Variants in AK8 observed in about 807,000 individuals in gnomAD.
AK8 encodes the protein ATP-AMP transphosphorylase 8.
Under a neutral mutation model 54.6 loss-of-function variants are expected in AK8, and 44 were observed. The ratio of observed to expected loss-of-function variants is 0.81; its 90% CI spans 0.63 to 1.04. AK8 has a LOEUF of 1.04. Among genes scored for constraint, AK8 ranks in the 50% least tolerant of loss-of-function variants. AK8 has a pLI of 0.00. For missense variants in AK8, 555 were observed against 613.6 expected (o/e 0.90, Z 1.01); for synonymous variants, 239 against 245.6 (o/e 0.97, Z 0.25).
At chr9:132,738,535 A>G (rs1341809395) in intron 11 of AK8, among the ~76,000 whole-genome samples, 1 of 152,156 alleles carries the variant, frequency 6.6e-6, no homozygotes, top group Non-Finnish European at 1.5e-5. Context: ...CATTCATAAG[A>G]ATGCAAATAA....
Position 132,827,016 on chromosome 9 carries a change from CA to C in AK8, c.594del (p.Glu199LysfsTer56). 1 of 1,614,234 alleles carries C rather than the reference CA, an allele frequency of 6.2e-7. No individual in the cohort carries two copies. Among genetic ancestry groups the C allele is most frequent in the African/African-American group, 1.3e-5 (1 of 75,056 alleles). On this transcript the variant is annotated frameshift_variant, in exon 8 of 13. Transcript: ENST00000298545. LOFTEE classifies it high-confidence loss of function. ...GGCACCATGAGACGGTTCTGGATTTCAGATTCGGGTGGCCAGTCAAAGGTGG... is the reference window on the plus strand; with the variant it reads ...GGCACCATGAGACGGTTCTGGATTTCGATTCGGGTGGCCAGTCAAAGGTGG... Reference protein sequence around the residue: ...YHTTFDWPPESEIQNRLMVPE... With the variant: ...YHTTFDWPPEXEIQNRLMVPE...
intron 11 of AK8, among the ~76,000 whole-genome samples, chr9:132,746,975 C>T (rs950290891): frequency 1.3e-5 from 2 of 152,158 alleles, no homozygotes; most frequent in Admixed American, 1.3e-4. Context: ...AATACAACTG[C>T]CTTAAATATT....
At chr9:132,801,762 G>A (rs215177) in intron 10 of AK8, among the ~76,000 whole-genome samples, 42,945 of 152,170 alleles carry the variant, frequency 0.28, 6,219 homozygotes, top group East Asian at 0.49. Flanking sequence ...TTCTAAGCAT[G>A]TCTTTGTTCT....
chr9:132,739,546 T>G (rs551260087), intron 11 of AK8, among the ~76,000 whole-genome samples: 1 of 150,870 alleles, frequency 6.6e-6, no homozygotes, highest in African/African-American at 2.4e-5. Flanking sequence ...ACAACATATA[T>G]GATTTTTGTA....
chr9:132,755,272 G>A lies in AK8; in HGVS notation c.1122-27738C>T, dbSNP rs1273684692. On this transcript the variant is annotated intron_variant, in intron 11 of 12. Coordinates refer to ENST00000298545, the MANE Select transcript of AK8 (RefSeq NM_152572.3). ...ACTGTGTCCTGGCACCCCCTCAGCC[G>A]CTTTCTTGCCTATGGTATCTCCCAG... Among the ~76,000 whole-genome samples, 8 of 152,246 alleles carry A rather than the reference G, an allele frequency of 5.3e-5. No homozygotes were observed. In the South Asian group the frequency reaches 1.5e-3, roughly 28 times the overall value.
intron 2 of AK8, among the ~76,000 whole-genome samples, chr9:132,871,293 C>G (rs947805193): frequency 1.3e-5 from 2 of 152,050 alleles, no homozygotes; most frequent in African/African-American, 2.4e-5. Context: ...GAAAAGTCAC[C>G]AAGCAGGGTA....
chr9:132,814,560 A>G, intron 10 of AK8, 78 bp downstream of exon 10: 1 of 1,394,588 alleles, frequency 7.2e-7, no homozygotes, highest in Non-Finnish European at 9.9e-7. Flanking sequence ...GAGCCCCTGA[A>G]TGTTCAGAGA....
In AK8 at chr9:132,809,606, T is replaced by C. The variant is rs978167407; in HGVS notation, c.979+5032A>G. 3.3e-5 allele frequency among the ~76,000 whole-genome samples: 5 copies of C among 152,284 alleles called. 1 individual carries two copies. Among genetic ancestry groups the C allele is most frequent in the East Asian group, 1.9e-4 (1 of 5,174 alleles). On this transcript the variant is annotated intron_variant, in intron 10 of 12. Coordinates refer to ENST00000298545, the MANE Select transcript of AK8 (RefSeq NM_152572.3). Reference sequence around the variant, plus strand: ...ATGGCCATACAATGGGTGGTTTGTCTCCAGGCCTGGCCTCCAAAGGGCACG... The same window carrying C: ...ATGGCCATACAATGGGTGGTTTGTCCCCAGGCCTGGCCTCCAAAGGGCACG...
intron 9 of AK8, 29 bp downstream of exon 9, chr9:132,823,176 C>T: frequency 6.6e-7 from 1 of 1,514,658 alleles, no homozygotes; most frequent in Non-Finnish European, 8.8e-7. Context: ...GCTCTCGAAG[C>T]TGGGCAGCCC....
At chr9:132,772,168 A>G (rs934108327) in intron 11 of AK8, among the ~76,000 whole-genome samples, 3 of 152,180 alleles carry the variant, frequency 2.0e-5, no homozygotes, top group Non-Finnish European at 4.4e-5. Flanking sequence ...TGCTCCTGCC[A>G]CCACCATCAA....
intron 2 of AK8, among the ~76,000 whole-genome samples, 191 bp from the exon 3 acceptor site, chr9:132,867,144 G>T (rs1293381206): frequency 1.3e-5 from 2 of 152,108 alleles, no homozygotes; most frequent in Non-Finnish European, 2.9e-5. Context: ...AGAGGTAAGT[G>T]ATCACCGAGA....
chr9:132,808,869 G>A (rs1242975332), intron 10 of AK8, among the ~76,000 whole-genome samples: 1 of 152,140 alleles, frequency 6.6e-6, no homozygotes, highest in African/African-American at 2.4e-5. Flanking sequence ...CCCCAGGGAA[G>A]GAGGTCCAGT....
At chr9:132,778,448 G>A (rs1750470296) in intron 11 of AK8, among the ~76,000 whole-genome samples, 1 of 152,180 alleles carries the variant, frequency 6.6e-6, no homozygotes, top group African/African-American at 2.4e-5. Flanking sequence ...ATCAGCTGCA[G>A]AAATAGTGCT....
intron 11 of AK8, among the ~76,000 whole-genome samples, chr9:132,765,652 C>T (rs1009462170): frequency 4.6e-5 from 7 of 152,084 alleles, no homozygotes; most frequent in Non-Finnish European, 1.0e-4. Context: ...ACAACAAAAC[C>T]CTCAACGAAC....
intron 5 of AK8, among the ~76,000 whole-genome samples, chr9:132,838,294 G>T (rs1418887628): frequency 6.6e-6 from 1 of 152,120 alleles, no homozygotes; most frequent in African/African-American, 2.4e-5. Flanking sequence ...CTAAACTTTT[G>T]GCTCCACAGT....
chr9:132,827,190 A>G, intron 7 of AK8, 136 bp from the exon 8 acceptor site: 1 of 780,224 alleles, frequency 1.3e-6, no homozygotes, highest in Non-Finnish European at 2.1e-6. Context: ...ACGGCAGGAC[A>G]CCGTTGCTCA....
At chr9:132,814,811 G>A in intron 9 of AK8, 84 bp from the exon 10 acceptor site, 1 of 1,183,050 alleles carries the variant, frequency 8.5e-7, no homozygotes, top group Non-Finnish European at 1.2e-6. Context: ...AGTGCTGCCT[G>A]CTGAGGGAAA....
intron 10 of AK8, among the ~76,000 whole-genome samples, chr9:132,795,249 A>G (rs1340663863): frequency 6.6e-6 from 1 of 152,176 alleles, no homozygotes. Context: ...TTCCTTCCAG[A>G]GTAAAGCTCG....
intron 4 of AK8, among the ~76,000 whole-genome samples, chr9:132,859,386 C>CCCA (rs1843296177): frequency 6.6e-6 from 1 of 152,016 alleles, no homozygotes; most frequent in Non-Finnish European, 1.5e-5. Context: ...ACAGGCGCCC[C>CCCA]CCACCATGCC....
Sources: allele counts gnomAD v4.1 joint callset (sites outside exome capture counted in the v4.1 genomes callset), GRCh38; gene constraint gnomAD v4.1.1; transcripts MANE v1.5; gene names NCBI Gene and HGNC (gene_info 2026-07-23, HGNC 2026-07-21).